Variants in STARD13 observed in about 807,000 individuals in gnomAD.
The protein encoded by STARD13 is stAR-related lipid transfer protein 13.
STARD13 carries 62 observed loss-of-function variants against 106.4 expected under a neutral mutation model. That is an observed-to-expected ratio of 0.58 (90% CI 0.48 to 0.72). The LOEUF (loss-of-function observed/expected upper bound fraction) is 0.72. STARD13 is among the 30% of genes least tolerant of loss of function. The pLI is 0.00. For synonymous variants in STARD13, 565 were observed against 553.0 expected (o/e 1.02, Z -0.31); for missense variants, 1,387 against 1,424.0 (o/e 0.97, Z 0.42).
the STARD13 span, among the ~76,000 whole-genome samples, chr13:33,391,325 C>T: frequency 3.3e-5 from 5 of 152,136 alleles, no homozygotes; most frequent in African/African-American, 1.2e-4. Flanking sequence ...ACATTCACTG[C>T]ATTTACCAAA....
intron 7 of STARD13, 142 bp from the exon 8 acceptor site, chr13:33,118,405 G>C (rs1441892466): frequency 2.9e-6 from 2 of 682,538 alleles, no homozygotes; most frequent in Non-Finnish European, 5.2e-6. Flanking sequence ...ACTTTAGGCA[G>C]TACCCGAACA....
intron 1 of STARD13, chr13:33,333,646 C>CA (rs1348833651): frequency 6.6e-6 from 1 of 152,240 alleles, no homozygotes; most frequent in African/African-American, 2.4e-5. Context: ...AGGAGGAACT[C>CA]ACTTAGGAGG....
chr13:33,276,510 G>A (rs1891442090), intron 1 of STARD13, among the ~76,000 whole-genome samples: 1 of 152,056 alleles, frequency 6.6e-6, no homozygotes, highest in African/African-American at 2.4e-5. Context: ...TAATTTCAGG[G>A]TGGTATAACT....
chr13:33,578,338 A>G, the STARD13 span, among the ~76,000 whole-genome samples: 1 of 152,044 alleles, frequency 6.6e-6, no homozygotes, highest in East Asian at 1.9e-4. Context: ...GAATCTAGAA[A>G]TAAAGTCAGA....
At chr13:33,171,754 CT>C (rs1883990470) in intron 1 of STARD13, among the ~76,000 whole-genome samples, 1 of 152,240 alleles carries the variant, frequency 6.6e-6, no homozygotes, top group Non-Finnish European at 1.5e-5. Context: ...AACATTTTCA[CT>C]GTTTTACTCA....
chr13:33,476,223 C>T, the STARD13 span, among the ~76,000 whole-genome samples: 2 of 152,136 alleles, frequency 1.3e-5, no homozygotes, highest in Non-Finnish European at 2.9e-5. Flanking sequence ...TAGAATCCAT[C>T]TGGATTGAAT....
intron 1 of STARD13, among the ~76,000 whole-genome samples, chr13:33,316,647 G>T (rs535613959): frequency 1.3e-5 from 2 of 152,188 alleles, no homozygotes; most frequent in Admixed American, 6.5e-5. Flanking sequence ...CAAAGCTTGT[G>T]CTCTTTCCAA....
At chr13:33,540,537 T>G in the STARD13 span, among the ~76,000 whole-genome samples, 2 of 152,188 alleles carry the variant, frequency 1.3e-5, no homozygotes, top group African/African-American at 4.8e-5. Context: ...TTCTAGCAAT[T>G]TAAAATTTAT....
intron 1 of STARD13, among the ~76,000 whole-genome samples, chr13:33,192,582 C>T (rs1042188312): frequency 3.9e-5 from 6 of 152,120 alleles, no homozygotes; most frequent in African/African-American, 1.4e-4. Flanking sequence ...TCACTTAATC[C>T]TCACAAGAGC....
At chr13:33,242,509 G>T (rs1889579332) in intron 1 of STARD13, among the ~76,000 whole-genome samples, 1 of 152,154 alleles carries the variant, frequency 6.6e-6, no homozygotes, top group Admixed American at 6.5e-5. Flanking sequence ...ATGGATTAAG[G>T]GCGGTGCAAG....
At chr13:33,400,699 G>A in the STARD13 span, among the ~76,000 whole-genome samples, 4,687 of 152,146 alleles carry the variant, frequency 0.031, 184 homozygotes, top group East Asian at 0.17. Flanking sequence ...TCCTGACGTC[G>A]TGATCCGCCC....
chr13:33,616,900 G>A, the STARD13 span, among the ~76,000 whole-genome samples: 1 of 152,308 alleles, frequency 6.6e-6, no homozygotes, highest in African/African-American at 2.4e-5. Flanking sequence ...AGGAAATAAT[G>A]TGTCTTTTGA....
At chr13:33,661,181 T>A in the STARD13 span, 1 of 152,228 alleles carries the variant, frequency 6.6e-6, no homozygotes, top group South Asian at 2.1e-4. Context: ...ATGCCACTTA[T>A]CATGATAGGG....
chr13:33,579,107 A>G, the STARD13 span, among the ~76,000 whole-genome samples: 1 of 152,122 alleles, frequency 6.6e-6, no homozygotes, highest in Admixed American at 6.6e-5. Flanking sequence ...TTCTCAAACA[A>G]CTAAAAGTAA....
chr13:33,430,660 G>A, the STARD13 span, among the ~76,000 whole-genome samples: 1 of 152,332 alleles, frequency 6.6e-6, no homozygotes, highest in East Asian at 1.9e-4. Context: ...TAGCCAAAAT[G>A]TGGAATCAAC....
At chr13:33,657,772 T>G in the STARD13 span, among the ~76,000 whole-genome samples, 1 of 152,192 alleles carries the variant, frequency 6.6e-6, no homozygotes, top group Non-Finnish European at 1.5e-5. Flanking sequence ...CCAATCAATG[T>G]GAAGGCTTTT....
the STARD13 span, among the ~76,000 whole-genome samples, chr13:33,383,968 ACC>A: frequency 6.6e-6 from 1 of 152,048 alleles, no homozygotes; most frequent in Admixed American, 6.6e-5. Context: ...GTTCAAGGGC[ACC>A]AGGTTCGATT....
chr13:33,605,238 CA>C, the STARD13 span, among the ~76,000 whole-genome samples: 12,472 of 84,722 alleles, frequency 0.15, 772 homozygotes, highest in East Asian at 0.3. Flanking sequence ...GATCCTGTCT[CA>C]AAAAAAAAAA....
intron 1 of STARD13, among the ~76,000 whole-genome samples, chr13:33,312,361 G>A (rs1893169584): frequency 6.6e-6 from 1 of 152,136 alleles, no homozygotes; most frequent in Admixed American, 6.6e-5. Flanking sequence ...AGTCTTTCAA[G>A]TTGAAATTCC....
Sources: gnomAD v4.1 joint callset for allele counts (sites outside exome capture counted in the v4.1 genomes callset) on GRCh38, gnomAD v4.1.1 for gene constraint, MANE v1.5 for transcripts, NCBI Gene and HGNC (gene_info 2026-07-23, HGNC 2026-07-21) for gene names.